FAM20C: variants seen among roughly 807,000 people sequenced by gnomAD.
FAM20C encodes the protein extracellular serine/threonine protein kinase FAM20C.
In FAM20C, 40 loss-of-function variants were observed where a neutral mutation model predicts 51.5. The ratio of observed to expected loss-of-function variants is 0.78; its 90% CI spans 0.60 to 1.01. The LOEUF is 1.01. FAM20C is among the 50% of genes least tolerant of loss of function. The pLI, the probability that FAM20C is intolerant of heterozygous loss-of-function variation, is 0.00. For synonymous variants in FAM20C, 406 were observed against 380.6 expected, an observed-to-expected ratio of 1.07 and a Z score of -0.78; for missense variants, 861 against 844.7, an observed-to-expected ratio of 1.02 and a Z score of -0.24.
At chr7:241,427 C>T (rs1787942961) in intron 3 of FAM20C, among the ~76,000 whole-genome samples, 1 of 152,182 alleles carries the variant, frequency 6.6e-6, no homozygotes, top group East Asian at 1.9e-4. Context: ...CAGACTCCGC[C>T]TTTTCAGGGC....
chr7:207,043 G>T lies in FAM20C; in HGVS notation c.785-1855G>T, dbSNP rs75215241. Among the ~76,000 whole-genome samples, 88 of 31,404 alleles carry T rather than the reference G, an allele frequency of 2.8e-3. 4 individuals carry two copies. The highest frequency in any genetic ancestry group is 3.6e-3 in the Non-Finnish European group (55 of 15,406). 20.6% of individuals were successfully genotyped at this position (31,404 alleles called of 152,430 possible). A position where few individuals can be genotyped will look rare whatever the true frequency, so the allele number is the denominator to read the frequency against. On this transcript the variant is annotated intron_variant, in intron 2 of 9. Coordinates refer to ENST00000313766, the MANE Select transcript of FAM20C (RefSeq NM_020223.4). ...GCACACGTATCCACTGTGACGCGTC[G>T]GTCACTGTCCCCTCGGCCCTGCACA...
At chr7:206,175 C>T (rs967168651) in intron 2 of FAM20C, among the ~76,000 whole-genome samples, 10 of 152,308 alleles carry the variant, frequency 6.6e-5, no homozygotes, top group East Asian at 1.9e-4. Context: ...CCACATCCCA[C>T]GTCACTCCAC....
intron 2 of FAM20C, among the ~76,000 whole-genome samples, chr7:198,737 G>A (rs1409632035): frequency 2.0e-5 from 3 of 152,214 alleles, no homozygotes; most frequent in Non-Finnish European, 4.4e-5. Context: ...GCCTGACAGC[G>A]CACCTGCTGG....
At position 249,650 on chromosome 7, in the gene FAM20C, G is replaced by C. The variant is rs976604084; in HGVS notation, c.1072+1220G>C. ...AGCTACTCAGGAGGCTGAGGCAGGA[G>C]GATTGCTTGAGCCCAGGAGGTGGCG... On this transcript the variant is annotated intron_variant, in intron 5 of 9. Transcript: ENST00000313766. 2.0e-5 allele frequency among the ~76,000 whole-genome samples: 3 copies of C among 152,304 alleles called. No homozygotes were observed. The South Asian group carries it at 6.2e-4, about 32-fold the overall frequency.
Position 193,795 on chromosome 7 carries a change from A to T in FAM20C, c.596A>T (p.Asn199Ile). 1 of 1,555,644 alleles carries T rather than the reference A, an allele frequency of 6.4e-7. No individual in the cohort carries two copies. The highest frequency in any genetic ancestry group is 8.7e-7 in the Non-Finnish European group (1 of 1,150,156). Residue 199 changes from asparagine to isoleucine, a missense_variant, in exon 1 of 10, where the codon AAC becomes ATC. Asn to Ile is a moderately radical substitution (Grantham distance 149). Around this residue, in one of 3 missense-constraint regions of FAM20C, gnomAD observed 561 missense variants for 499.8 expected, o/e 1.12. Transcript: ENST00000313766. The part of the protein sequence containing the change: ...DTRLSPKAAE[N>I]PDWPHAGAEG... ...AGGCTCAGCCCCAAAGCGGCGGAGA[A>T]CCCGGACTGGTGAGTGGGGGCTGGC...
intron 5 of FAM20C, among the ~76,000 whole-genome samples, chr7:252,865 C>A (rs368627865): frequency 6.6e-6 from 1 of 152,248 alleles, no homozygotes. Context: ...AGAACACACT[C>A]CCCTACTTCT....
chr7:208,934 T>C lies in FAM20C; in HGVS notation c.821T>C (p.Met274Thr). The C allele has an allele frequency of 2.5e-6, 4 of 1,585,266 alleles. No individual in the cohort carries two copies. The highest frequency in any genetic ancestry group is 3.4e-6 in the Non-Finnish European group (4 of 1,165,810). ...GGGGGCACGCAGCTGAAGCTCATCA[T>C]GACCTTCCAGAATTACGGGCAAGCG... ...KSGGTQLKLIMTFQNYGQALF... is the reference protein window; with the variant it reads ...KSGGTQLKLITTFQNYGQALF... Residue 274 changes from methionine (M) to threonine (T), a missense_variant, in exon 3 of 10, where the codon ATG (methionine) becomes ACG (threonine). By Grantham distance (81) the Met-to-Thr change is moderately conservative. This residue lies in a region of FAM20C where 561 missense variants were observed against 499.8 expected (regional missense o/e 1.12). Transcript: ENST00000313766.
intron 3 of FAM20C, among the ~76,000 whole-genome samples, chr7:242,308 T>A (rs1787969916): frequency 1.3e-5 from 2 of 152,180 alleles, no homozygotes. Flanking sequence ...AGATGTGCTG[T>A]CTGTGGGTCC....
intron 2 of FAM20C, among the ~76,000 whole-genome samples, chr7:203,127 C>T (rs1287783693): frequency 6.6e-6 from 1 of 152,098 alleles, no homozygotes; most frequent in East Asian, 1.9e-4. Context: ...GCCAGGATGC[C>T]CCCGCCTCAG....
intron 3 of FAM20C, among the ~76,000 whole-genome samples, chr7:217,366 C>G (rs572063194): frequency 6.6e-6 from 1 of 152,024 alleles, no homozygotes; most frequent in South Asian, 2.1e-4. Context: ...ACATGGTGGT[C>G]ACAGACTGGC....
intron 3 of FAM20C, 196 bp from the exon 4 acceptor site, chr7:246,219 C>G: frequency 3.6e-6 from 2 of 557,826 alleles, no homozygotes; most frequent in Non-Finnish European, 3.2e-6. Flanking sequence ...CCCCGGCCTC[C>G]GTCGCACGTG....
chr7:231,465 G>A (rs532767818), intron 3 of FAM20C, among the ~76,000 whole-genome samples: 108 of 150,888 alleles, frequency 7.2e-4, no homozygotes, highest in Admixed American at 1.7e-3. Context: ...GGGTCCCGGC[G>A]TGGAGGACTC....
chr7:234,242 G>T (rs1360320229), intron 3 of FAM20C, among the ~76,000 whole-genome samples: 2 of 152,250 alleles, frequency 1.3e-5, no homozygotes, highest in African/African-American at 4.8e-5. Flanking sequence ...TGCCCTCAGT[G>T]GGACGCTGAC....
chr7:241,760 T>A, intron 3 of FAM20C, among the ~76,000 whole-genome samples: 1 of 151,590 alleles, frequency 6.6e-6, no homozygotes, highest in Non-Finnish European at 1.5e-5. Flanking sequence ...AGTGTGCAGG[T>A]GGGTGTGTGT....
At chr7:257,838 G>T (rs374351958) in intron 8 of FAM20C, among the ~76,000 whole-genome samples, 2,635 of 123,140 alleles carry the variant, frequency 0.021, 29 homozygotes, top group Middle Eastern at 0.041. Context: ...AGATGGGCAG[G>T]GTGGACCCAC....
At chr7:202,302 G>A (rs1443173463) in intron 2 of FAM20C, among the ~76,000 whole-genome samples, 1 of 149,186 alleles carries the variant, frequency 6.7e-6, no homozygotes, top group East Asian at 2.0e-4. Context: ...CTGGGGAATG[G>A]GGGGGCCCTA....
At chr7:198,214 C>T (rs1033011660) in intron 2 of FAM20C, among the ~76,000 whole-genome samples, 3 of 152,194 alleles carry the variant, frequency 2.0e-5, no homozygotes, top group Admixed American at 2.0e-4. Context: ...GGACGATGGG[C>T]AGACACAGCC....
intron 2 of FAM20C, chr7:197,318 G>C (rs1020373953): frequency 6.0e-6 from 1 of 166,734 alleles, no homozygotes; most frequent in African/African-American, 2.4e-5. Context: ...GCCAGGCCGT[G>C]TGGAGAGGAG....
intron 3 of FAM20C, among the ~76,000 whole-genome samples, chr7:219,840 G>A (rs956290028): frequency 1.3e-5 from 2 of 152,216 alleles, no homozygotes; most frequent in Non-Finnish European, 2.9e-5. Context: ...GAATTTCGAA[G>A]GATTTTCTGT....
Sources: allele counts gnomAD v4.1 joint callset (sites outside exome capture counted in the v4.1 genomes callset), GRCh38; gene constraint gnomAD v4.1.1; regional missense constraint gnomAD v4.1.1; transcripts MANE v1.5; gene names NCBI Gene and HGNC (gene_info 2026-07-23, HGNC 2026-07-21).